HACD3: variants seen among roughly 807,000 people sequenced by gnomAD.
HACD3 encodes the protein 3-hydroxyacyl-CoA dehydratase 3.
HACD3 carries 30 observed loss-of-function variants against 55.2 expected under a neutral mutation model. That is an observed-to-expected ratio of 0.54 (90% CI 0.41 to 0.74). The LOEUF is 0.74. Ranked by LOEUF, HACD3 falls within the 30% of genes least tolerant of loss-of-function variation. The pLI is 0.00. For synonymous variants in HACD3, 141 were observed against 151.7 expected, an observed-to-expected ratio of 0.93 and a Z score of 0.52; for missense variants, 363 against 440.1, an observed-to-expected ratio of 0.82 and a Z score of 1.57.
At chr15:65,537,959 ATATATAT>A (rs1267663614) in intron 1 of HACD3, among the ~76,000 whole-genome samples, 24 of 4,022 alleles carry the variant, frequency 6.0e-3, no homozygotes, top group South Asian at 0.014. Flanking sequence ...AAAAAAAAAA[ATATATAT>A]ATATATATAT....
rs1431616682 is a variant in HACD3 at position 65,572,248 on chromosome 15, T to G, written c.894T>G (p.Ile298Met). 6.2e-7 allele frequency: 1 copy of G among 1,612,582 alleles called. No homozygotes were observed. The highest frequency in any genetic ancestry group is 1.7e-5 in the Admixed American group (1 of 59,728). ...TTCTGTTTTCAGCTGTCTCAGTGAT[T>G]CAGTCCATTCCAATATTCAATGAGA... Reference protein sequence around the residue: ...LGCLAEAVSVIQSIPIFNETG... With the variant: ...LGCLAEAVSVMQSIPIFNETG... Residue 298 changes from isoleucine (I) to methionine (M), a missense_variant, in exon 10 of 11, where the codon ATT becomes ATG. By Grantham distance (10) the Ile-to-Met change is conservative. Coordinates refer to ENST00000261875, the MANE Select transcript of HACD3 (RefSeq NM_016395.4).
rs144096564 is a variant in HACD3, at chr15:65,544,753, G to T, written c.88-6923G>T. Among the ~76,000 whole-genome samples, 1,145 of 152,260 alleles carry T rather than the reference G, an allele frequency of 7.5e-3. 15 individuals are homozygous for T. The highest frequency in any genetic ancestry group is 0.026 in the African/African-American group (1,092 of 41,548). On this transcript the variant is annotated intron_variant, in intron 1 of 10. Transcript: ENST00000261875. ...AAATTATAATGTTGCCGGGTGCGGTGGCTCACGCCTGTAATCCCAGCACTT... is the reference window on the plus strand; with the variant it reads ...AAATTATAATGTTGCCGGGTGCGGTTGCTCACGCCTGTAATCCCAGCACTT...
At position 65,538,211 on chromosome 15, in the gene HACD3, C is replaced by A. The variant is rs78261083; in HGVS notation, c.87+7493C>A. On this transcript the variant is annotated intron_variant, in intron 1 of 10. Coordinates refer to ENST00000261875, the MANE Select transcript of HACD3 (RefSeq NM_016395.4). ...GTTAAAACTGTCGTAGGTAGTGATT[C>A]TGTGATGGATCTGGGCAAAGTCAAT... is the stretch of plus-strand genomic sequence containing the variant. 7.5e-3 allele frequency among the ~76,000 whole-genome samples: 1,146 copies of A among 152,030 alleles called. 15 individuals are homozygous for A. The highest frequency in any genetic ancestry group is 0.026 in the African/African-American group (1,093 of 41,440).
At chr15:65,537,954 AAAAAATATATATATATATATAT>A (rs1169427462) in intron 1 of HACD3, among the ~76,000 whole-genome samples, 111 of 8,204 alleles carry the variant, frequency 0.014, no homozygotes, top group Admixed American at 0.074. Flanking sequence ...AAAAAAAAAA[AAAAAATATATATATATATATAT>A]ATATATATAT....
chr15:65,568,978 T>C (rs1190709612), intron 7 of HACD3, among the ~76,000 whole-genome samples: 2 of 152,036 alleles, frequency 1.3e-5, no homozygotes, highest in Non-Finnish European at 2.9e-5. Flanking sequence ...CCGGGCGCGG[T>C]GGCTCATGCC....
At chr15:65,543,158 C>G (rs1200994591) in intron 1 of HACD3, among the ~76,000 whole-genome samples, 4 of 150,916 alleles carry the variant, frequency 2.7e-5, no homozygotes, top group Non-Finnish European at 5.9e-5. Flanking sequence ...AAATTGATGA[C>G]AAAATCTTAC....
Position 65,562,637 on chromosome 15 carries a change from T to C in HACD3, c.422-137T>C, listed in dbSNP as rs1055139705. ...GTAGGAGCCCAGGCTGGTGAGGACC[T>C]GGACCAGGTATTTGTGTGGGAGCTT... On this transcript the variant is annotated intron_variant, in intron 5 of 10. Transcript: ENST00000261875. 3 of 1,190,160 alleles carry C rather than the reference T, an allele frequency of 2.5e-6. No individual in the cohort carries two copies. In the South Asian group the frequency reaches 4.9e-5, roughly 20 times the overall value. The allele number at this position is 1,190,160 out of a possible 1,614,324, so 73.7% of individuals were successfully genotyped here.
In HACD3 at chr15:65,577,437, C is replaced by CCA. The variant is rs965434094; in HGVS notation, c.*1069_*1070dup. On this transcript the variant is annotated 3_prime_UTR_variant, in exon 11 of 11. Transcript: ENST00000261875. The stretch of plus-strand genomic sequence containing the variant: ...AGACCCTGTCTCAAACCAAACCAAA[C>CCA]CACACACACACAAACACACATACAC... 24 of 151,296 alleles carry CCA rather than the reference C, an allele frequency of 1.6e-4. No individual in the cohort carries two copies. Among genetic ancestry groups the CCA allele is most frequent in the African/African-American group, 5.4e-4 (22 of 40,492 alleles). 9.4% of individuals were successfully genotyped at this position (151,296 alleles called of 1,614,324 possible). A position where few individuals can be genotyped will look rare whatever the true frequency, so the allele number is the denominator to read the frequency against.
At chr15:65,533,363 T>A (rs1258244835) in intron 1 of HACD3, among the ~76,000 whole-genome samples, 2 of 152,168 alleles carry the variant, frequency 1.3e-5, no homozygotes, top group Non-Finnish European at 2.9e-5. Context: ...CGTGGTTGGG[T>A]ATCTGAATAA....
intron 1 of HACD3, among the ~76,000 whole-genome samples, chr15:65,534,740 T>G (rs2141201860): frequency 6.6e-6 from 1 of 152,150 alleles, no homozygotes; most frequent in East Asian, 1.9e-4. Context: ...CATGATTCAC[T>G]TAACCTTTAT....
chr15:65,575,831 G>C (rs533981621), intron 10 of HACD3, among the ~76,000 whole-genome samples: 1 of 152,176 alleles, frequency 6.6e-6, no homozygotes, highest in African/African-American at 2.4e-5. Flanking sequence ...GGTGGCTTAC[G>C]CCTGTAATCC....
At chr15:65,555,032 G>A in intron 3 of HACD3, 72 bp downstream of exon 3, 2 of 1,221,514 alleles carry the variant, frequency 1.6e-6, no homozygotes, top group African/African-American at 1.5e-5. Flanking sequence ...GAAATGGGGA[G>A]CAGGGTTTGT....
intron 7 of HACD3, chr15:65,565,928 A>C (rs2072286646): frequency 6.6e-6 from 1 of 152,480 alleles, no homozygotes; most frequent in African/African-American, 2.4e-5. Context: ...CACCTCTTGA[A>C]TGCTTTTCTG....
In HACD3 at chr15:65,563,543, C is replaced by T. The variant is rs539674983; in HGVS notation, c.532+659C>T. 1.6e-4 allele frequency among the ~76,000 whole-genome samples: 25 copies of T among 152,220 alleles called. No individual in the cohort carries two copies. In the South Asian group the frequency reaches 3.9e-3, roughly 24 times the overall value. On this transcript the variant is annotated intron_variant, in intron 6 of 10. Coordinates refer to ENST00000261875, the MANE Select transcript of HACD3 (RefSeq NM_016395.4). ...TATGGACCAGGTGTAGTAGCTCATA[C>T]CTGTAATCCCAGCACTTTAACAGGC... is the stretch of plus-strand genomic sequence containing the variant.
chr15:65,535,829 C>G (rs1467122347), intron 1 of HACD3: 2 of 610,686 alleles, frequency 3.3e-6, no homozygotes, highest in Non-Finnish European at 5.9e-6. Context: ...CCAAGTAGGA[C>G]TACAGGTACC....
intron 3 of HACD3, 108 bp from the exon 4 acceptor site, chr15:65,556,631 A>C (rs1567336493): frequency 8.4e-7 from 1 of 1,190,086 alleles, no homozygotes; most frequent in Non-Finnish European, 1.1e-6. Flanking sequence ...GGACCAGAGA[A>C]AGAAGGAGAA....
At chr15:65,541,631 T>C (rs1246860132) in intron 1 of HACD3, among the ~76,000 whole-genome samples, 2 of 152,210 alleles carry the variant, frequency 1.3e-5, no homozygotes, top group African/African-American at 2.4e-5. Context: ...TTTGGTATTT[T>C]GTGGTTGGCA....
chr15:65,572,393 T>C (rs1411094441), intron 10 of HACD3, 27 bp downstream of exon 10: 2 of 1,529,370 alleles, frequency 1.3e-6, no homozygotes, highest in African/African-American at 2.8e-5. Flanking sequence ...TAATACAGAC[T>C]TTTTCTTGTC....
At position 65,576,551 on chromosome 15, in the gene HACD3, A is replaced by AAT. The variant is rs2072403236; in HGVS notation, c.*172_*173insAT. 2 of 696,716 alleles carry AAT rather than the reference A, an allele frequency of 2.9e-6. No homozygotes were observed. Among genetic ancestry groups the AAT allele is most frequent in the East Asian group, 5.5e-5 (2 of 36,190 alleles). 43.2% of individuals were successfully genotyped at this position (696,716 alleles called of 1,614,324 possible). A position where few individuals can be genotyped will look rare whatever the true frequency, so the allele number is the denominator to read the frequency against. ...GAATTTACTGTTATCTTATTGTAGT[A>AAT]CTTGCATGACATGGATTCCTGATAT... On this transcript the variant is annotated 3_prime_UTR_variant, in exon 11 of 11. Coordinates refer to ENST00000261875, the MANE Select transcript of HACD3 (RefSeq NM_016395.4).
Sources: gnomAD v4.1 joint callset for allele counts (sites outside exome capture counted in the v4.1 genomes callset) on GRCh38, gnomAD v4.1.1 for gene constraint, MANE v1.5 for transcripts, NCBI Gene and HGNC (gene_info 2026-07-23, HGNC 2026-07-21) for gene names.